The following C3orf52 variants were observed in gnomAD, a reference collection of about 807,000 sequenced individuals.
C3orf52 encodes chromosome 3 open reading frame 52.
Under a neutral mutation model 24.8 loss-of-function variants are expected in C3orf52, and 22 were observed. The ratio of observed to expected loss-of-function variants is 0.89; its 90% CI spans 0.63 to 1.27. The LOEUF (loss-of-function observed/expected upper bound fraction) is 1.27, where lower values mean the gene tolerates loss of function less well. C3orf52 is among the 50% of genes most tolerant of loss of function. The pLI is 0.00. For missense variants in C3orf52, 265 were observed against 260.7 expected (o/e 1.02, Z -0.11); for synonymous variants, 93 against 100.2 (o/e 0.93, Z 0.43).
rs2074155611 is a variant in C3orf52, at chr3:112,118,133, G to A, written c.*1487G>A. ...GTTAAATGTGAACCTTAGTGTATTT[G>A]TATTTTGTAGAAAATAATGAAAAAT... On this transcript the variant is annotated 3_prime_UTR_variant, in exon 6 of 6. Transcript: ENST00000264848. 6.6e-6 allele frequency: 1 copy of A among 152,136 alleles called. No homozygotes were observed. Among genetic ancestry groups the A allele is most frequent in the Non-Finnish European group, 1.5e-5 (1 of 68,032 alleles). 9.4% of individuals were successfully genotyped at this position (152,136 alleles called of 1,614,324 possible).
At chr3:112,091,365 G>T (rs2073875772) in intron 1 of C3orf52, among the ~76,000 whole-genome samples, 1 of 152,168 alleles carries the variant, frequency 6.6e-6, no homozygotes, top group African/African-American at 2.4e-5. Flanking sequence ...ACCTGAAACC[G>T]GACAGGGCAG....
At chr3:112,100,743 A>T (rs751330730) in intron 2 of C3orf52, among the ~76,000 whole-genome samples, 1 of 152,254 alleles carries the variant, frequency 6.6e-6, no homozygotes, top group Non-Finnish European at 1.5e-5. Flanking sequence ...GCTAAAAATG[A>T]TAAATGTCAT....
At chr3:112,105,408 A>G (rs780363103) in intron 3 of C3orf52, among the ~76,000 whole-genome samples, 7 of 152,222 alleles carry the variant, frequency 4.6e-5, no homozygotes, top group African/African-American at 1.7e-4. Flanking sequence ...TGTCAGGTCA[A>G]TAACTCCTTT....
chr3:112,124,728 G>A (rs535148998), intron 4 of C3orf52, among the ~76,000 whole-genome samples: 1 of 152,282 alleles, frequency 6.6e-6, no homozygotes, highest in African/African-American at 2.4e-5. Flanking sequence ...TCAAGGGAAG[G>A]TTTCACTTAT....
At chr3:112,112,188 A>G (rs2074089678) in intron 4 of C3orf52, 1 of 152,258 alleles carries the variant, frequency 6.6e-6, no homozygotes, top group African/African-American at 2.4e-5. Context: ...TTGAAGTAGC[A>G]TTTAAAGAGT....
intron 5 of C3orf52, among the ~76,000 whole-genome samples, chr3:112,113,613 T>C (rs2074107911): frequency 6.6e-6 from 1 of 152,250 alleles, no homozygotes; most frequent in Non-Finnish European, 1.5e-5. Flanking sequence ...TGAAGGCCAC[T>C]GAGACCATTA....
Position 112,102,954 on chromosome 3 carries a change from C to T in C3orf52, c.385C>T (p.Leu129Phe). Residue 129 changes from leucine (L) to phenylalanine (F), a missense_variant, in exon 3 of 6, where the codon CTC (leucine) becomes TTC (phenylalanine). Transcript: ENST00000264848. Reference protein sequence around the residue: ...CVAEEELPHLLTERLTDVYST... With the variant: ...CVAEEELPHLFTERLTDVYST... ...TGCTGAAGAGGAATTGCCTCACCTG[C>T]TCACCGAAAGGGTAATTCCATCTTA... The T allele has an allele frequency of 6.2e-7, 1 of 1,612,412 alleles. No individual in the cohort carries two copies. Among genetic ancestry groups the T allele is most frequent in the Non-Finnish European group, 8.5e-7 (1 of 1,179,290 alleles).
chr3:112,115,201 A>G (rs2074123304), intron 5 of C3orf52, among the ~76,000 whole-genome samples: 1 of 152,234 alleles, frequency 6.6e-6, no homozygotes, highest in African/African-American at 2.4e-5. Context: ...TGTTTTCAGA[A>G]TGTGAGTGTC....
intron 2 of C3orf52, among the ~76,000 whole-genome samples, chr3:112,101,769 A>C (rs1399866183): frequency 1.3e-5 from 2 of 152,128 alleles, no homozygotes; most frequent in East Asian, 3.9e-4. Context: ...CTATGGTCTT[A>C]AAGTCTATGG....
Position 112,111,967 on chromosome 3 carries a change from G to A in C3orf52, c.468-997G>A, listed in dbSNP as rs1391164328. 3.3e-5 allele frequency: 5 copies of A among 152,098 alleles called. No homozygotes were observed. In the East Asian group the frequency reaches 7.7e-4, roughly 23 times the overall value. 9.4% of individuals were successfully genotyped at this position (152,098 alleles called of 1,614,324 possible). On this transcript the variant is annotated intron_variant, in intron 4 of 5. Coordinates refer to ENST00000264848, the MANE Select transcript of C3orf52 (RefSeq NM_024616.3). ...CCACCTTGTAAGATCGAAGAGTATC[G>A]GCCTATGTGACCTGTAGCCAGAAGA... is the stretch of plus-strand genomic sequence containing the variant.
At chr3:112,131,351 CT>C (rs763095198), downstream of C3orf52, among the ~76,000 whole-genome samples, 35 of 152,166 alleles carry the variant, frequency 2.3e-4, no homozygotes, top group Admixed American at 3.9e-4. Flanking sequence ...TCCCTGACTT[CT>C]TAGCTTATTT....
chr3:112,125,519 GCT>G, intron 4 of C3orf52, among the ~76,000 whole-genome samples: 1 of 152,110 alleles, frequency 6.6e-6, no homozygotes, highest in East Asian at 1.9e-4. Context: ...TCTTCCTCCA[GCT>G]CTCTTTCCCT....
downstream of C3orf52, chr3:112,133,278 G>A (rs2074502914): frequency 1.3e-6 from 1 of 740,786 alleles, no homozygotes; most frequent in Non-Finnish European, 2.3e-6. Flanking sequence ...GCAGAGGGAA[G>A]GAAGAGGCTG....
chr3:112,128,172 C>G (rs771310830), intron 4 of C3orf52: 2 of 884,240 alleles, frequency 2.3e-6, no homozygotes, highest in Non-Finnish European at 3.8e-6. Context: ...TCCCCGCAAG[C>G]GTGTTTCATT....
At chr3:112,101,375 A>T (rs187401156) in intron 2 of C3orf52, among the ~76,000 whole-genome samples, 1 of 152,178 alleles carries the variant, frequency 6.6e-6, no homozygotes, top group Non-Finnish European at 1.5e-5. Flanking sequence ...GTGAGATCTC[A>T]TCTACTAGGG....
chr3:112,087,288 C>A (rs145905133), intron 1 of C3orf52, among the ~76,000 whole-genome samples: 1 of 152,178 alleles, frequency 6.6e-6, no homozygotes, highest in East Asian at 1.9e-4. Flanking sequence ...TCCTCTCAAT[C>A]CCTAAGGAAG....
intron 3 of C3orf52, among the ~76,000 whole-genome samples, chr3:112,106,470 G>T (rs1319139600): frequency 6.6e-6 from 1 of 152,112 alleles, no homozygotes; most frequent in African/African-American, 2.4e-5. Flanking sequence ...AGCCCGCCAA[G>T]AGTTGCCTCA....
At position 112,105,707 on chromosome 3, in the gene C3orf52, G is replaced by T. The variant is rs138591310; in HGVS notation, c.396+2742G>T. ...CCACAAAACTTCCCTCATTTAAGAT[G>T]CCAGTTACGGGAGGCTGAGGCAGGC... is the stretch of plus-strand genomic sequence containing the variant. On this transcript the variant is annotated intron_variant, in intron 3 of 5. Coordinates refer to ENST00000264848, the MANE Select transcript of C3orf52 (RefSeq NM_024616.3). Among the ~76,000 whole-genome samples, 948 of 151,688 alleles carry T rather than the reference G, an allele frequency of 6.2e-3. 5 individuals carry two copies. Among genetic ancestry groups the T allele is most frequent in the African/African-American group, 0.022 (901 of 41,338 alleles).
At chr3:112,114,940 G>A (rs557175513) in intron 5 of C3orf52, among the ~76,000 whole-genome samples, 6 of 152,314 alleles carry the variant, frequency 3.9e-5, no homozygotes, top group Admixed American at 3.3e-4. Context: ...CAGGCTGCTT[G>A]TGAGACCTGA....
Sources: allele counts gnomAD v4.1 joint callset (sites outside exome capture counted in the v4.1 genomes callset), GRCh38; gene constraint gnomAD v4.1.1; transcripts MANE v1.5; gene names NCBI Gene and HGNC (gene_info 2026-07-23, HGNC 2026-07-21).